C12orf42: variants seen among roughly 807,000 people sequenced by gnomAD.
C12orf42 encodes the protein chromosome 12 open reading frame 42, also known as uncharacterized protein C12orf42.
A neutral mutation model predicts 21.6 loss-of-function variants in C12orf42; 25 were observed. The observed-to-expected ratio is 1.16, with a 90% CI of 0.84 to 1.62. The LOEUF is 1.62. Ranked by LOEUF, C12orf42 falls within the 40% of genes most tolerant of loss-of-function variation. The probability of loss-of-function intolerance (pLI) is 0.00; values close to 1 mark genes in which losing one functional copy is unlikely to be tolerated. For missense variants in C12orf42, 483 were observed against 459.3 expected, an observed-to-expected ratio of 1.05 and a Z score of -0.47; for synonymous variants, 174 against 175.0, an observed-to-expected ratio of 0.99 and a Z score of 0.05.
At chr12:103,497,281 C>G (rs536884954), upstream of C12orf42, among the ~76,000 whole-genome samples, 1 of 152,252 alleles carries the variant, frequency 6.6e-6, no homozygotes, top group South Asian at 2.1e-4. Context: ...TTCTACCCAC[C>G]ATTTTACTTT....
At chr12:103,478,853 T>C (rs1013040062) in intron 1 of C12orf42, among the ~76,000 whole-genome samples, 8 of 152,154 alleles carry the variant, frequency 5.3e-5, no homozygotes, top group Admixed American at 2.6e-4. Context: ...AGACATGCAA[T>C]TTAATTTTAT....
intron 4 of C12orf42, among the ~76,000 whole-genome samples, chr12:103,331,986 G>A (rs2041278235): frequency 6.6e-6 from 1 of 152,146 alleles, no homozygotes; most frequent in African/African-American, 2.4e-5. Flanking sequence ...GAATGGGGAG[G>A]ACCTTGATTA....
chr12:103,507,158 A>ATT, the C12orf42 span, among the ~76,000 whole-genome samples: 1 of 22,786 alleles, frequency 4.4e-5, no homozygotes, highest in African/African-American at 4.7e-4. Context: ...ATAAATATAT[A>ATT]TATATAATAT....
chr12:103,147,281 G>A, the C12orf42 span, among the ~76,000 whole-genome samples: 3 of 151,952 alleles, frequency 2.0e-5, no homozygotes, highest in Non-Finnish European at 4.4e-5. Context: ...CCTTATTTTG[G>A]CTTCTAGTTT....
chr12:103,158,647 G>A, the C12orf42 span, among the ~76,000 whole-genome samples: 5 of 152,116 alleles, frequency 3.3e-5, no homozygotes, highest in African/African-American at 7.2e-5. Context: ...TTGGGAGGCC[G>A]ATGTAGGCTG....
intron 2 of C12orf42, among the ~76,000 whole-genome samples, chr12:103,460,888 G>T (rs1443106934): frequency 6.6e-6 from 1 of 152,140 alleles, no homozygotes; most frequent in Non-Finnish European, 1.5e-5. Flanking sequence ...ACAAGCTTCA[G>T]TTCTTGTTGC....
intron 4 of C12orf42, among the ~76,000 whole-genome samples, chr12:103,340,217 T>C (rs578113293): frequency 4.6e-5 from 7 of 152,296 alleles, no homozygotes; most frequent in Admixed American, 3.3e-4. Flanking sequence ...CAGGAGTCTA[T>C]AGAGGGTCCC....
At chr12:103,297,994 T>C (rs1372172770), downstream of C12orf42, among the ~76,000 whole-genome samples, 7 of 151,564 alleles carry the variant, frequency 4.6e-5, no homozygotes, top group Non-Finnish European at 1.5e-5. Context: ...CCACAGCCAA[T>C]ATCATACTGA....
At position 103,486,942 on chromosome 12, in the gene C12orf42, G is replaced by A. The variant is rs910910172; in HGVS notation, c.-21-8495C>T. The stretch of plus-strand genomic sequence containing the variant: ...TCATTGATTTTTTGAAGGGATTTTT[G>A]TGTCTCTATCTCATTCAGTTCTGCT... On this transcript the variant is annotated intron_variant, in intron 1 of 5. Transcript: ENST00000548883. Among the ~76,000 whole-genome samples, 37 of 152,226 alleles carry A rather than the reference G, an allele frequency of 2.4e-4. 1 individual carries two copies. The highest frequency in any genetic ancestry group is 8.7e-4 in the African/African-American group (36 of 41,558).
At chr12:103,561,830 G>C in the C12orf42 span, among the ~76,000 whole-genome samples, 1 of 152,124 alleles carries the variant, frequency 6.6e-6, no homozygotes, top group Non-Finnish European at 1.5e-5. Flanking sequence ...TACTACACTA[G>C]ATGATCTGGG....
the C12orf42 span, among the ~76,000 whole-genome samples, chr12:103,184,363 T>G: frequency 1.3e-5 from 2 of 152,320 alleles, no homozygotes; most frequent in Non-Finnish European, 2.9e-5. Flanking sequence ...ATATAGTAAA[T>G]TAGTGATTTT....
At chr12:103,154,909 C>T in the C12orf42 span, among the ~76,000 whole-genome samples, 1 of 152,148 alleles carries the variant, frequency 6.6e-6, no homozygotes, top group Non-Finnish European at 1.5e-5. Context: ...CTCTACTTTA[C>T]ATTTCATGTG....
At chr12:103,405,852 T>C (rs2048387962) in intron 2 of C12orf42, among the ~76,000 whole-genome samples, 1 of 152,174 alleles carries the variant, frequency 6.6e-6, no homozygotes, top group Non-Finnish European at 1.5e-5. Context: ...TTTAAGATGA[T>C]AATCATTTTC....
At chr12:103,510,358 G>A in the C12orf42 span, among the ~76,000 whole-genome samples, 1 of 152,136 alleles carries the variant, frequency 6.6e-6, no homozygotes, top group African/African-American at 2.4e-5. Flanking sequence ...GGATTTGGGG[G>A]TAAGTGTGGG....
the C12orf42 span, among the ~76,000 whole-genome samples, chr12:103,124,155 C>CTTTTTTTT: frequency 1.6e-4 from 12 of 75,992 alleles, no homozygotes; most frequent in South Asian, 5.4e-4. Context: ...CAAACATAAG[C>CTTTTTTTT]TTTTTTTTTT....
At chr12:103,420,719 C>G (rs987793030) in intron 2 of C12orf42, among the ~76,000 whole-genome samples, 2 of 152,124 alleles carry the variant, frequency 1.3e-5, no homozygotes, top group African/African-American at 4.8e-5. Context: ...CAGGGTTTCA[C>G]TATGTTGGCC....
At chr12:103,086,841 C>A in the C12orf42 span, among the ~76,000 whole-genome samples, 1 of 152,124 alleles carries the variant, frequency 6.6e-6, no homozygotes, top group East Asian at 1.9e-4. Flanking sequence ...TCTTCATGTT[C>A]AGCAGAATTG....
chr12:103,359,463 T>C (rs964439427), intron 4 of C12orf42, among the ~76,000 whole-genome samples: 2 of 152,080 alleles, frequency 1.3e-5, no homozygotes, highest in African/African-American at 4.8e-5. Flanking sequence ...ATTCATACAA[T>C]GGAAGACCAC....
At chr12:103,434,425 G>A (rs180876488) in intron 2 of C12orf42, among the ~76,000 whole-genome samples, 22 of 151,050 alleles carry the variant, frequency 1.5e-4, no homozygotes, top group Admixed American at 4.6e-4. Flanking sequence ...GAACAGCTCC[G>A]GTCTACAGCT....
Sources: allele counts gnomAD v4.1 joint callset (sites outside exome capture counted in the v4.1 genomes callset), GRCh38; gene constraint gnomAD v4.1.1; transcripts MANE v1.5; gene names NCBI Gene and HGNC (gene_info 2026-07-23, HGNC 2026-07-21).